Variants in RB1 observed in about 807,000 individuals in gnomAD.
RB1 encodes retinoblastoma-associated protein.
RB1 carries 18 observed loss-of-function variants against 135.4 expected under a neutral mutation model. The ratio of observed to expected loss-of-function variants is 0.13; its 90% confidence interval spans 0.09 to 0.20. RB1 has a LOEUF of 0.20. Ranked by LOEUF, RB1 falls within the 10% of genes least tolerant of loss-of-function variation. The pLI is 1.00. For synonymous variants in RB1, 365 were observed against 373.2 expected, an observed-to-expected ratio of 0.98 and a Z score of 0.25; for missense variants, 868 against 1,110.0, an observed-to-expected ratio of 0.78 and a Z score of 3.10.
intron 17 of RB1, among the ~76,000 whole-genome samples, chr13:48,398,426 G>A (rs1463149712): frequency 6.6e-6 from 1 of 151,966 alleles, no homozygotes; most frequent in Non-Finnish European, 1.5e-5. Context: ...TTCCCACTAT[G>A]TCTATTTTTC....
At chr13:48,316,321 G>A (rs1455184127) in intron 2 of RB1, among the ~76,000 whole-genome samples, 1 of 151,488 alleles carries the variant, frequency 6.6e-6, no homozygotes, top group Non-Finnish European at 1.5e-5. Context: ...CGAGCTTCCC[G>A]ACGGACACTT....
intron 2 of RB1, chr13:48,318,502 T>A: frequency 9.1e-7 from 1 of 1,102,600 alleles, no homozygotes; most frequent in Non-Finnish European, 1.3e-6. Context: ...TGGCCCTGCG[T>A]CATGCGAGTG....
At chr13:48,377,934 C>A (rs1296001180) in intron 13 of RB1, among the ~76,000 whole-genome samples, 1 of 151,954 alleles carries the variant, frequency 6.6e-6, no homozygotes, top group African/African-American at 2.4e-5. Flanking sequence ...ATTTGTGTAT[C>A]TAAATATATC....
chr13:48,454,138 A>C (rs1949345821), intron 18 of RB1, among the ~76,000 whole-genome samples: 1 of 152,260 alleles, frequency 6.6e-6, no homozygotes, highest in African/African-American at 2.4e-5. Flanking sequence ...GTTAACTATA[A>C]AATAGGAATT....
intron 24 of RB1, among the ~76,000 whole-genome samples, chr13:48,475,109 C>G (rs187041102): frequency 2.0e-5 from 3 of 152,034 alleles, no homozygotes; most frequent in African/African-American, 7.2e-5. Flanking sequence ...CTGGCTTCCA[C>G]GATACCCCGT....
At chr13:48,419,051 A>G (rs977864441) in intron 17 of RB1, among the ~76,000 whole-genome samples, 1 of 152,204 alleles carries the variant, frequency 6.6e-6, no homozygotes, top group African/African-American at 2.4e-5. Flanking sequence ...ATAGACATCT[A>G]CAGAACTCTC....
At chr13:48,460,041 C>T (rs561206514) in intron 20 of RB1, among the ~76,000 whole-genome samples, 1 of 150,034 alleles carries the variant, frequency 6.7e-6, no homozygotes, top group Non-Finnish European at 1.5e-5. Flanking sequence ...GCAATCTCGG[C>T]TCACTGCAAC....
At chr13:48,478,020 A>C (rs958854427) in intron 26 of RB1, among the ~76,000 whole-genome samples, 1 of 152,232 alleles carries the variant, frequency 6.6e-6, no homozygotes, top group Non-Finnish European at 1.5e-5. Context: ...ACATTAGGAA[A>C]GAGATAAATG....
At chr13:48,416,511 G>A (rs1028333886) in intron 17 of RB1, 5 of 153,140 alleles carry the variant, frequency 3.3e-5, no homozygotes, top group African/African-American at 1.2e-4. Flanking sequence ...GCAGCCGTTT[G>A]GGCAGACACC....
chr13:48,419,599 C>A (rs531832608), intron 17 of RB1, among the ~76,000 whole-genome samples: 9 of 152,088 alleles, frequency 5.9e-5, no homozygotes. Flanking sequence ...AATCCAGGAG[C>A]TGGTTTTTTG....
intron 20 of RB1, among the ~76,000 whole-genome samples, chr13:48,461,096 C>T (rs1566236324): frequency 6.6e-6 from 1 of 152,122 alleles, no homozygotes; most frequent in Non-Finnish European, 1.5e-5. Context: ...GTTATACAAA[C>T]ATCACCATAA....
chr13:48,318,327 ACCTT>A lies in RB1; in HGVS notation c.264+10925_264+10928del, dbSNP rs957948704. The A allele has an allele frequency of 2.2e-4, 295 of 1,354,698 alleles. No homozygotes were observed. In the African/African-American group the frequency reaches 4.0e-3, roughly 19 times the overall value. 83.9% of individuals were successfully genotyped at this position (1,354,698 alleles called of 1,614,324 possible). On this transcript the variant is annotated intron_variant, in intron 2 of 26. Coordinates refer to ENST00000267163, the MANE Select transcript of RB1 (RefSeq NM_000321.3). ...GTGCATCTGGGCAGTGCTGAACCTG[ACCTT>A]CCTGCACGCAGCCCTGGGTTCCCTG... is the stretch of plus-strand genomic sequence containing the variant.
intron 19 of RB1, among the ~76,000 whole-genome samples, chr13:48,457,985 G>A (rs866575756): frequency 6.6e-6 from 1 of 152,200 alleles, no homozygotes; most frequent in Non-Finnish European, 1.5e-5. Context: ...CTGCACTGGG[G>A]AGGGTGGGAC....
At chr13:48,479,180 A>G (rs1196912478) in intron 26 of RB1, among the ~76,000 whole-genome samples, 1 of 152,168 alleles carries the variant, frequency 6.6e-6, no homozygotes, top group Non-Finnish European at 1.5e-5. Context: ...GTGAGCCATG[A>G]TCATGCCACT....
At chr13:48,430,998 A>G (rs1949124361) in intron 17 of RB1, among the ~76,000 whole-genome samples, 1 of 152,190 alleles carries the variant, frequency 6.6e-6, no homozygotes, top group African/African-American at 2.4e-5. Flanking sequence ...TTAAAAAAAG[A>G]TAGGTTTGAC....
rs576529401 is a variant in RB1, at chr13:48,320,902, T to G, written c.264+13496T>G. Among the ~76,000 whole-genome samples, 6 of 151,438 alleles carry G rather than the reference T, an allele frequency of 4.0e-5. No individual in the cohort carries two copies. The East Asian group carries it at 1.2e-3, about 29-fold the overall frequency. On this transcript the variant is annotated intron_variant, in intron 2 of 26. Coordinates refer to ENST00000267163, the MANE Select transcript of RB1 (RefSeq NM_000321.3). ...AAAGTCTGCAAATGCTTCTTTGCAG[T>G]TTAAAAAGGACGACGACTATAAACC...
intron 17 of RB1, among the ~76,000 whole-genome samples, chr13:48,434,115 T>A (rs1387817604): frequency 1.3e-5 from 2 of 152,130 alleles, no homozygotes; most frequent in Admixed American, 6.6e-5. Context: ...GCTTTGTATT[T>A]TATTATATTA....
rs561972711 is a variant in RB1, at chr13:48,334,517, T to C, written c.265-8082T>C. Among the ~76,000 whole-genome samples the C allele has an allele frequency of 1.5e-3, 236 of 152,302 alleles. 1 individual carries two copies. Among genetic ancestry groups the C allele is most frequent in the African/African-American group, 5.3e-3 (222 of 41,576 alleles). On this transcript the variant is annotated intron_variant, in intron 2 of 26. Transcript: ENST00000267163. ...TTACTTATTACAGTCTCATGAACTA[T>C]GCGTAAGGATATATCTTTTGACCCT... is the stretch of plus-strand genomic sequence containing the variant.
chr13:48,310,632 T>C (rs1952122474), intron 2 of RB1, among the ~76,000 whole-genome samples: 2 of 152,164 alleles, frequency 1.3e-5, no homozygotes. Context: ...CAGAAAATTT[T>C]ATCATTGATG....
Sources: allele counts gnomAD v4.1 joint callset (sites outside exome capture counted in the v4.1 genomes callset), GRCh38; gene constraint gnomAD v4.1.1; transcripts MANE v1.5; gene names NCBI Gene and HGNC (gene_info 2026-07-23, HGNC 2026-07-21).